PCDH11X: variants seen among roughly 807,000 people sequenced by gnomAD.
PCDH11X encodes protocadherin 11 X-linked.
A neutral mutation model predicts 53.3 loss-of-function variants in PCDH11X; 18 were observed. That is an observed-to-expected ratio of 0.34 (90% CI 0.23 to 0.50). The LOEUF (loss-of-function observed/expected upper bound fraction) is 0.50, where lower values mean the gene tolerates loss of function less well. PCDH11X is among the 20% of genes least tolerant of loss of function. The pLI is 0.98. For synonymous variants in PCDH11X, 279 were observed against 393.3 expected (o/e 0.71, Z 3.44); for missense variants, 570 against 1,032.4 (o/e 0.55, Z 6.14).
At chrX:92,224,308 C>A (rs983109126) in intron 7 of PCDH11X, among the ~76,000 whole-genome samples, 1 of 111,769 alleles carries the variant, frequency 8.9e-6, no homozygotes, top group African/African-American at 3.3e-5. Flanking sequence ...CTTCTTGATC[C>A]CTTAAAGAGA....
intron 8 of PCDH11X, among the ~76,000 whole-genome samples, chrX:92,378,995 G>A (rs2070812518): frequency 8.8e-6 from 1 of 113,091 alleles, no homozygotes; most frequent in African/African-American, 3.2e-5. Context: ...AATTTGTGAT[G>A]GCAGTGGCGG....
intron 6 of PCDH11X, among the ~76,000 whole-genome samples, chrX:91,903,362 G>A (rs1026164315): frequency 4.5e-5 from 5 of 110,814 alleles, no homozygotes; most frequent in African/African-American, 1.6e-4. Context: ...TCCTTCATTG[G>A]ATCCTCATAA....
chrX:92,104,079 G>C (rs1192635077), intron 6 of PCDH11X, among the ~76,000 whole-genome samples: 2 of 111,313 alleles, frequency 1.8e-5, no homozygotes, highest in Non-Finnish European at 3.8e-5. Flanking sequence ...TATCTGATTT[G>C]GGATAAAGAA....
chrX:92,498,604 A>G (rs1168580536), intron 10 of PCDH11X, among the ~76,000 whole-genome samples: 1 of 109,816 alleles, frequency 9.1e-6, no homozygotes, highest in Non-Finnish European at 1.9e-5. Flanking sequence ...TAACTTTACT[A>G]TATATTAGTA....
intron 6 of PCDH11X, among the ~76,000 whole-genome samples, chrX:92,127,552 G>A (rs1408037555): frequency 2.5e-5 from 2 of 79,263 alleles, no homozygotes; most frequent in Non-Finnish European, 4.5e-5. Flanking sequence ...ACGGAGCCTC[G>A]CCCTGCCGCC....
chrX:92,315,798 A>C (rs1381628870), intron 8 of PCDH11X, among the ~76,000 whole-genome samples: 2 of 109,805 alleles, frequency 1.8e-5, no homozygotes, highest in South Asian at 4.0e-4. Flanking sequence ...GGCCTCCCAA[A>C]GTGCTGGGAT....
At chrX:92,445,192 C>CTT (rs778466088) in intron 9 of PCDH11X, among the ~76,000 whole-genome samples, 410 of 16,504 alleles carry the variant, frequency 0.025, 35 homozygotes, top group African/African-American at 0.027. Context: ...TGGTCCAGGG[C>CTT]TTTTTTTTTT....
intron 6 of PCDH11X, among the ~76,000 whole-genome samples, chrX:92,183,980 AT>A (rs5902996): frequency 0.042 from 4,547 of 107,503 alleles, 231 homozygotes; most frequent in African/African-American, 0.14. Flanking sequence ...ATAATAGACT[AT>A]TTTTTTTTTT....
intron 1 of PCDH11X, chrX:91,798,271 C>T (rs894324073): frequency 9.0e-6 from 1 of 110,761 alleles, no homozygotes; most frequent in African/African-American, 3.3e-5. Context: ...CCTCCAAGAA[C>T]GGTGTTCCCC....
intron 4 of PCDH11X, among the ~76,000 whole-genome samples, chrX:91,822,087 T>G (rs1223958237): frequency 9.1e-6 from 1 of 109,756 alleles, no homozygotes; most frequent in Admixed American, 9.6e-5. Flanking sequence ...ACTATTTTAT[T>G]GAGGATTTTT....
At chrX:92,509,966 A>T (rs2074134786) in intron 10 of PCDH11X, among the ~76,000 whole-genome samples, 1 of 110,646 alleles carries the variant, frequency 9.0e-6, no homozygotes, top group African/African-American at 3.3e-5. Flanking sequence ...ATTTATAATA[A>T]ACAATTGGAG....
At chrX:91,906,422 G>A (rs942591352) in intron 6 of PCDH11X, among the ~76,000 whole-genome samples, 2 of 108,733 alleles carry the variant, frequency 1.8e-5, no homozygotes, top group African/African-American at 6.7e-5. Context: ...TGATAAAAGT[G>A]ACCTTGTATT....
intron 6 of PCDH11X, among the ~76,000 whole-genome samples, chrX:91,971,773 G>A (rs1477943647): frequency 1.8e-5 from 2 of 111,526 alleles, no homozygotes; most frequent in African/African-American, 6.5e-5. Flanking sequence ...GAAAGCTTAT[G>A]TAAAACATGG....
At chrX:92,437,998 G>A (rs1398997625) in intron 9 of PCDH11X, among the ~76,000 whole-genome samples, 1 of 111,841 alleles carries the variant, frequency 8.9e-6, no homozygotes, top group Non-Finnish European at 1.9e-5. Context: ...ATTGGGTGCT[G>A]CCAAAAATGG....
At chrX:92,041,112 G>A (rs954074417) in intron 6 of PCDH11X, among the ~76,000 whole-genome samples, 1 of 107,383 alleles carries the variant, frequency 9.3e-6, no homozygotes, top group African/African-American at 3.4e-5. Flanking sequence ...TGTATGGGTT[G>A]GTAACATTTC....
At chrX:92,495,915 T>A (rs1219851640) in intron 10 of PCDH11X, among the ~76,000 whole-genome samples, 5 of 104,017 alleles carry the variant, frequency 4.8e-5, no homozygotes, top group Non-Finnish European at 9.6e-5. Flanking sequence ...CACATGGAAA[T>A]TATGGGAATA....
At chrX:92,310,309 A>G (rs981944521) in intron 8 of PCDH11X, among the ~76,000 whole-genome samples, 5 of 112,574 alleles carry the variant, frequency 4.4e-5, no homozygotes, top group Non-Finnish European at 9.4e-5. Flanking sequence ...ACATCACCGC[A>G]TTCTAAAATC....
intron 6 of PCDH11X, among the ~76,000 whole-genome samples, chrX:92,029,660 T>G (rs1290866948): frequency 9.0e-6 from 1 of 110,672 alleles, no homozygotes; most frequent in Non-Finnish European, 1.9e-5. Context: ...TATGCTGTTT[T>G]AGGAAACTTT....
intron 9 of PCDH11X, 80 bp downstream of exon 9, chrX:92,388,013 T>C: frequency 1.7e-6 from 2 of 1,186,609 alleles, no homozygotes; most frequent in Non-Finnish European, 2.3e-6. Flanking sequence ...CATAATAACA[T>C]GGGCTAATTC....
Sources: allele counts gnomAD v4.1 joint callset (sites outside exome capture counted in the v4.1 genomes callset), GRCh38; gene constraint gnomAD v4.1.1; transcripts MANE v1.5; gene names NCBI Gene and HGNC (gene_info 2026-07-23, HGNC 2026-07-21).